Variants in USP7 observed in about 807,000 individuals in gnomAD.
The protein encoded by USP7 is ubiquitin specific peptidase 7, also known as ubiquitin C-terminal hydrolase 7.
In USP7, 9 loss-of-function variants were observed where a neutral mutation model predicts 162.9. That is an observed-to-expected ratio of 0.06 (90% CI 0.03 to 0.10). USP7 has a LOEUF of 0.10. USP7 is among the 10% of genes least tolerant of loss of function. USP7 has a pLI of 1.00. For synonymous variants in USP7, 562 were observed against 475.9 expected, an observed-to-expected ratio of 1.18 and a Z score of -2.35; for missense variants, 715 against 1,373.7, an observed-to-expected ratio of 0.52 and a Z score of 7.58.
At chr16:8,904,879 G>C (rs1287494913) in intron 14 of USP7, among the ~76,000 whole-genome samples, 1 of 152,208 alleles carries the variant, frequency 6.6e-6, no homozygotes, top group African/African-American at 2.4e-5. Context: ...GGCTGAGGCA[G>C]GAGAGTGGCG....
Position 8,895,030 on chromosome 16 carries a change from C to T in USP7, c.3039+1G>A, listed in dbSNP as rs766263622. 1 of 1,614,112 alleles carries T rather than the reference C, an allele frequency of 6.2e-7. No homozygotes were observed. Among genetic ancestry groups the T allele is most frequent in the Non-Finnish European group, 8.5e-7 (1 of 1,180,050 alleles). On this transcript the variant is annotated splice_donor_variant, in intron 28 of 30. Coordinates refer to ENST00000344836, the MANE Select transcript of USP7 (RefSeq NM_003470.3). LOFTEE classifies it high-confidence loss of function. ...CCACTCGGCCAACCACAACAGCATA[C>T]CTGGTGTATCCTCAGCAAAAACGGG...
rs1048563119 is a variant in USP7 at position 8,908,540 on chromosome 16, A to G, written c.1162-90T>C. On this transcript the variant is annotated intron_variant, in intron 11 of 30. Transcript: ENST00000344836. ...AACAGCGGTTCAGCAAGATTGGAACATGTCTGGAGACTCTGGAGACAAAGG... is the reference window on the plus strand; with the variant it reads ...AACAGCGGTTCAGCAAGATTGGAACGTGTCTGGAGACTCTGGAGACAAAGG... 3.7e-6 allele frequency: 4 copies of G among 1,085,750 alleles called. No individual in the cohort carries two copies. The Admixed American group carries it at 9.5e-5, about 26-fold the overall frequency. 67.3% of individuals were successfully genotyped at this position (1,085,750 alleles called of 1,614,324 possible). A position where few individuals can be genotyped will look rare whatever the true frequency, so the allele number is the denominator to read the frequency against.
intron 15 of USP7, 51 bp from the exon 16 acceptor site, chr16:8,903,453 G>T (rs778148581): frequency 2.5e-6 from 4 of 1,591,636 alleles, no homozygotes; most frequent in East Asian, 4.5e-5. Context: ...GACAAAAAAT[G>T]AGTCCACACT....
chr16:8,946,446 GCTCCAGAAAGACTTA>G (rs1899284796), intron 1 of USP7, among the ~76,000 whole-genome samples: 2 of 152,132 alleles, frequency 1.3e-5, no homozygotes, highest in African/African-American at 4.8e-5. Context: ...GATCAACTTT[GCTCCAGAAAGACTTA>G]TGCTCCAGAA....
intron 10 of USP7, among the ~76,000 whole-genome samples, chr16:8,914,294 T>G (rs754870389): frequency 1.3e-5 from 2 of 151,944 alleles, no homozygotes; most frequent in Non-Finnish European, 2.9e-5. Flanking sequence ...AGTGTGGGTG[T>G]GGAGCAACTG....
At chr16:8,962,935 A>T in intron 1 of USP7, 1 of 193,358 alleles carries the variant, frequency 5.2e-6, no homozygotes, top group Non-Finnish European at 1.0e-5. Context: ...TGAGCGCTCG[A>T]ATTTACAACT....
intron 1 of USP7, among the ~76,000 whole-genome samples, chr16:8,952,318 C>T (rs1899591160): frequency 6.6e-6 from 1 of 152,328 alleles, no homozygotes; most frequent in African/African-American, 2.4e-5. Context: ...TATGGTGAAG[C>T]CGGACCACAT....
At chr16:8,900,152 C>A in intron 21 of USP7, 1 of 357,284 alleles carries the variant, frequency 2.8e-6, no homozygotes, top group Non-Finnish European at 5.1e-6. Flanking sequence ...CACTTTCAGA[C>A]ACTGAGTGTC....
chr16:8,926,733 C>T (rs1898022481), intron 2 of USP7, among the ~76,000 whole-genome samples: 1 of 152,198 alleles, frequency 6.6e-6, no homozygotes, highest in Non-Finnish European at 1.5e-5. Flanking sequence ...TGCACAAAGA[C>T]TCCAATCTGC....
In USP7 at chr16:8,894,076, T is replaced by C. The variant is rs368837913; in HGVS notation, c.3231A>G (p.Leu1077=). ...GGGCTTTGTTGAAGTGGTCGAGCCCTAGCCAAGGCCGAGGATGAGACATAT... is the reference window on the plus strand; with the variant it reads ...GGGCTTTGTTGAAGTGGTCGAGCCCCAGCCAAGGCCGAGGATGAGACATAT... ...PGNMSHPRPW[L]GLDHFNKAPK... Residue 1077 remains leucine, a synonymous_variant, in exon 31 of 31, where the codon CTA becomes CTG. Coordinates refer to ENST00000344836, the MANE Select transcript of USP7 (RefSeq NM_003470.3). 208 of 1,614,140 alleles carry C rather than the reference T, an allele frequency of 1.3e-4. No homozygotes were observed. The highest frequency in any genetic ancestry group is 4.7e-4 in the Admixed American group (28 of 60,030).
intron 19 of USP7, 40 bp downstream of exon 19, chr16:8,901,102 A>C: frequency 3.7e-6 from 6 of 1,613,472 alleles, no homozygotes; most frequent in Non-Finnish European, 5.1e-6. Flanking sequence ...TAATGTACTG[A>C]GCAAAATCTA....
intron 4 of USP7, among the ~76,000 whole-genome samples, chr16:8,920,870 A>T (rs923489655): frequency 1.3e-5 from 2 of 152,360 alleles, no homozygotes; most frequent in African/African-American, 4.8e-5. Context: ...ACTCAGTACT[A>T]TGCCTGAATC....
rs985785556 is a variant in USP7, at chr16:8,959,221, C to G, written c.79+3986G>C. On this transcript the variant is annotated intron_variant, in intron 1 of 30. Coordinates refer to ENST00000344836, the MANE Select transcript of USP7 (RefSeq NM_003470.3). ...GAGCTTAAGCAATGTGCATTAGGTC[C>G]CACAGCAATTAGATGGCAAAACCCA... Among the ~76,000 whole-genome samples, 7 of 152,184 alleles carry G rather than the reference C, an allele frequency of 4.6e-5. 1 individual carries two copies. The highest frequency in any genetic ancestry group is 4.6e-4 in the Admixed American group (7 of 15,280).
chr16:8,924,487 G>T (rs767305810), intron 2 of USP7, among the ~76,000 whole-genome samples: 1 of 152,190 alleles, frequency 6.6e-6, no homozygotes, highest in Non-Finnish European at 1.5e-5. Context: ...GGCTGTTCCC[G>T]GCTTAGAATC....
chr16:8,961,261 G>A (rs937585273), intron 1 of USP7, among the ~76,000 whole-genome samples: 13 of 152,108 alleles, frequency 8.5e-5, no homozygotes, highest in African/African-American at 3.1e-4. Flanking sequence ...GGAAGGACGA[G>A]GCGGGCAGAT....
Position 8,918,012 on chromosome 16 carries a change from G to C in USP7, c.721-856C>G, listed in dbSNP as rs1028246016. Among the ~76,000 whole-genome samples, 3 of 151,274 alleles carry C rather than the reference G, an allele frequency of 2.0e-5. No homozygotes were observed. The East Asian group carries it at 5.9e-4, about 30-fold the overall frequency. On this transcript the variant is annotated intron_variant, in intron 6 of 30. Transcript: ENST00000344836. Reference sequence around the variant, plus strand: ...TCACCATGTTAGCCAGGATGGTCTCGATCTGCTGACCTCATGATCCGCCCG... The same window carrying C: ...TCACCATGTTAGCCAGGATGGTCTCCATCTGCTGACCTCATGATCCGCCCG...
At chr16:8,917,346 A>G (rs1431256172) in intron 6 of USP7, among the ~76,000 whole-genome samples, 190 bp from the exon 7 acceptor site, 1 of 152,246 alleles carries the variant, frequency 6.6e-6, no homozygotes, top group East Asian at 1.9e-4. Context: ...CTTTAGGGAT[A>G]CTGGAAAACA....
intron 1 of USP7, among the ~76,000 whole-genome samples, chr16:8,939,797 C>T (rs1197350739): frequency 1.3e-5 from 2 of 152,208 alleles, no homozygotes; most frequent in African/African-American, 4.8e-5. Flanking sequence ...ATCAACCACT[C>T]CCCTAAAGAA....
Position 8,910,796 on chromosome 16 carries a change from T to C in USP7, c.1110A>G (p.Val370=), listed in dbSNP as rs945188628. Reference sequence around the variant, plus strand: ...ATTTATTGTCCCCATCGAGCTGTTCTACTGCCACATAATCCACAAATGATT... The same window carrying C: ...ATTTATTGTCCCCATCGAGCTGTTCCACTGCCACATAATCCACAAATGATT... ...IFESFVDYVA[V]EQLDGDNKYD... Residue 370 remains valine, a synonymous_variant, in exon 11 of 31, where the codon GTA becomes GTG. Coordinates refer to ENST00000344836, the MANE Select transcript of USP7 (RefSeq NM_003470.3). 6.2e-7 allele frequency: 1 copy of C among 1,614,160 alleles called. No homozygotes were observed. The highest frequency in any genetic ancestry group is 1.1e-5 in the South Asian group (1 of 91,088).
Sources: allele counts gnomAD v4.1 joint callset (sites outside exome capture counted in the v4.1 genomes callset), GRCh38; gene constraint gnomAD v4.1.1; transcripts MANE v1.5; gene names NCBI Gene and HGNC (gene_info 2026-07-23, HGNC 2026-07-21).